The following RB1 variants were observed in gnomAD, a reference collection of about 807,000 sequenced individuals.
RB1 encodes the protein retinoblastoma-associated protein.
Under a neutral mutation model 135.4 loss-of-function variants are expected in RB1, and 18 were observed. The ratio of observed to expected loss-of-function variants is 0.13; its 90% CI spans 0.09 to 0.20. The LOEUF (loss-of-function observed/expected upper bound fraction) is 0.20. Among genes scored for constraint, RB1 ranks in the 10% least tolerant of loss-of-function variants. The pLI, the probability that RB1 is intolerant of heterozygous loss-of-function variation, is 1.00. For missense variants in RB1, 868 were observed against 1,110.0 expected (o/e 0.78, Z 3.10); for synonymous variants, 365 against 373.2 (o/e 0.98, Z 0.25).
chr13:48,423,491 G>A (rs1337775972), intron 17 of RB1, among the ~76,000 whole-genome samples: 1 of 152,080 alleles, frequency 6.6e-6, no homozygotes, highest in Non-Finnish European at 1.5e-5. Flanking sequence ...TTCTGTAAAA[G>A]GCTTCCCTTT....
At chr13:48,313,991 G>A (rs532386378) in intron 2 of RB1, among the ~76,000 whole-genome samples, 83 of 151,922 alleles carry the variant, frequency 5.5e-4, no homozygotes, top group Middle Eastern at 3.4e-3. Context: ...CCTCGTGATC[G>A]CCCACCTCGG....
intron 17 of RB1, among the ~76,000 whole-genome samples, chr13:48,419,298 A>G (rs958043931): frequency 6.6e-6 from 1 of 152,220 alleles, no homozygotes; most frequent in South Asian, 2.1e-4. Flanking sequence ...TGGGAAAATA[A>G]TGAAATTAAG....
chr13:48,332,090 G>T (rs1952342340), intron 2 of RB1, among the ~76,000 whole-genome samples: 1 of 152,192 alleles, frequency 6.6e-6, no homozygotes, highest in South Asian at 2.1e-4. Flanking sequence ...CAAGAACACG[G>T]ATGAACCCGA....
At chr13:48,328,536 C>T in intron 2 of RB1, 1 of 746,766 alleles carries the variant, frequency 1.3e-6, no homozygotes, top group Non-Finnish European at 2.5e-6. Flanking sequence ...TTTCCGGCTT[C>T]TCCTCTCCCG....
chr13:48,379,649 C>T lies in RB1; in HGVS notation c.1388C>T (p.Ser463Leu). The T allele has an allele frequency of 6.2e-7, 1 of 1,611,052 alleles. No homozygotes were observed. Among genetic ancestry groups the T allele is most frequent in the Non-Finnish European group, 8.5e-7 (1 of 1,179,134 alleles). ...CGAGTAATGGAATCCATGCTTAAAT[C>T]AGTAAGTTAAAAACAATATAAAAAA... is the stretch of plus-strand genomic sequence containing the variant. ...YYRVMESMLK[S>L]EEERLSIQNF... is the part of the protein sequence containing the mutation. The change falls in exon 14 of 27, where the codon TCA becomes TTA. Residue 463 changes from serine to leucine, a missense_variant and splice_region_variant. Physicochemically the swap from Ser to Leu is moderately radical, Grantham distance 145 (BLOSUM62 -2). Coordinates refer to ENST00000267163, the MANE Select transcript of RB1 (RefSeq NM_000321.3).
intron 2 of RB1, chr13:48,341,032 T>A (rs1408410591): frequency 6.6e-6 from 1 of 152,034 alleles, no homozygotes; most frequent in African/African-American, 2.4e-5. Flanking sequence ...ATATAGAACT[T>A]TTTGATCACT....
At chr13:48,325,225 G>A (rs1302952865) in intron 2 of RB1, among the ~76,000 whole-genome samples, 1 of 152,086 alleles carries the variant, frequency 6.6e-6, no homozygotes, top group South Asian at 2.1e-4. Flanking sequence ...GTGAGAACAT[G>A]CAGCATTTGG....
At chr13:48,344,952 C>A in intron 3 of RB1, 128 bp from the exon 4 acceptor site, 1 of 1,171,170 alleles carries the variant, frequency 8.5e-7, no homozygotes. Flanking sequence ...TAATTCCTTC[C>A]AAAGGATATA....
intron 26 of RB1, among the ~76,000 whole-genome samples, chr13:48,479,360 T>A (rs1442906833): frequency 1.3e-5 from 2 of 152,232 alleles, no homozygotes; most frequent in Middle Eastern, 3.2e-3. Flanking sequence ...GCAGATTCAG[T>A]CTGGGCCAGC....
rs545608790 is a variant in RB1 at position 48,446,656 on chromosome 13, G to A, written c.1696-6337G>A. Among the ~76,000 whole-genome samples, 717 of 152,274 alleles carry A rather than the reference G, an allele frequency of 4.7e-3. 3 individuals are homozygous for A. The highest frequency in any genetic ancestry group is 0.016 in the African/African-American group (677 of 41,536). On this transcript the variant is annotated intron_variant, in intron 17 of 26. Coordinates refer to ENST00000267163, the MANE Select transcript of RB1 (RefSeq NM_000321.3). ...GGAGATATGTGAATAATGGAGTGGG[G>A]TGAGTCATAGGAAGCATGGTCAAAG...
At position 48,459,414 on chromosome 13, in the gene RB1, T is replaced by C. The variant is rs577671070; in HGVS notation, c.1961-274T>C. The stretch of plus-strand genomic sequence containing the variant: ...GGATATTTGCCCAACTGGAGGTTCC[T>C]GGAGAATAGCATGCCTGGGGAGGGC... On this transcript the variant is annotated intron_variant, in intron 19 of 26. Transcript: ENST00000267163. Among the ~76,000 whole-genome samples, 3 of 152,324 alleles carry C rather than the reference T, an allele frequency of 2.0e-5. No homozygotes were observed. The East Asian group carries it at 5.8e-4, about 29-fold the overall frequency.
intron 11 of RB1, among the ~76,000 whole-genome samples, chr13:48,371,750 G>A (rs1175963132): frequency 2.0e-5 from 3 of 152,104 alleles, no homozygotes; most frequent in Admixed American, 2.0e-4. Flanking sequence ...AAGGATGCTA[G>A]CATTAAGGAC....
intron 17 of RB1, among the ~76,000 whole-genome samples, chr13:48,431,074 A>G (rs1474337915): frequency 6.6e-6 from 1 of 152,252 alleles, no homozygotes. Flanking sequence ...TATGAATCAT[A>G]TGAGTTATAA....
chr13:48,473,697 C>T (rs1445899329), intron 24 of RB1, among the ~76,000 whole-genome samples: 2 of 152,090 alleles, frequency 1.3e-5, no homozygotes, highest in African/African-American at 2.4e-5. Flanking sequence ...ACATTTCTAT[C>T]ACCAAATGTG....
chr13:48,358,932 T>C (rs559042568), intron 6 of RB1, among the ~76,000 whole-genome samples: 1 of 152,256 alleles, frequency 6.6e-6, no homozygotes, highest in East Asian at 1.9e-4. Context: ...AAATAACTTA[T>C]TTGTGAATAT....
intron 14 of RB1, 85 bp from the exon 15 acceptor site, chr13:48,379,957 TAAAAAAAAAAA>T (rs35427721): frequency 1.1e-5 from 4 of 368,678 alleles, no homozygotes; most frequent in Non-Finnish European, 1.5e-5. Flanking sequence ...AGACACCATC[TAAAAAAAAAAA>T]AAAAAAAAAA....
intron 17 of RB1, among the ~76,000 whole-genome samples, chr13:48,386,033 C>A: frequency 9.3e-6 from 1 of 107,700 alleles, no homozygotes. Flanking sequence ...AAGCAAGACC[C>A]CATCTCTTAA....
At chr13:48,356,047 ATAACT>A (rs1473207069) in intron 6 of RB1, among the ~76,000 whole-genome samples, 31 of 152,088 alleles carry the variant, frequency 2.0e-4, no homozygotes, top group African/African-American at 1.9e-4. Context: ...ACATTTTAAA[ATAACT>A]TAAAGAGTGT....
intron 2 of RB1, chr13:48,318,298 G>T: frequency 8.6e-7 from 1 of 1,161,372 alleles, no homozygotes; most frequent in Non-Finnish European, 1.2e-6. Context: ...AGCTGCTCCA[G>T]GAAGTGCATC....
Sources: allele counts gnomAD v4.1 joint callset (sites outside exome capture counted in the v4.1 genomes callset), GRCh38; gene constraint gnomAD v4.1.1; transcripts MANE v1.5; gene names NCBI Gene and HGNC (gene_info 2026-07-23, HGNC 2026-07-21).